Variants in TBX15 observed in about 807,000 individuals in gnomAD.
The protein encoded by TBX15 is T-box transcription factor 15.
In TBX15, 18 loss-of-function variants were observed where a neutral mutation model predicts 53.9. The observed-to-expected ratio is 0.33, with a 90% confidence interval of 0.23 to 0.49. The LOEUF (loss-of-function observed/expected upper bound fraction) is 0.49. Ranked by LOEUF, TBX15 falls within the 20% of genes least tolerant of loss-of-function variation. The probability of loss-of-function intolerance (pLI) is 0.98; values close to 1 mark genes in which losing one functional copy is unlikely to be tolerated. For missense variants in TBX15, 692 were observed against 749.5 expected (o/e 0.92, Z 0.90); for synonymous variants, 295 against 278.0 (o/e 1.06, Z -0.61).
At chr1:118,939,749 A>C (rs1656106334) in intron 1 of TBX15, among the ~76,000 whole-genome samples, 1 of 151,884 alleles carries the variant, frequency 6.6e-6, no homozygotes, top group South Asian at 2.1e-4. Context: ...TTATAAAAAA[A>C]CTTTGCTTTA....
intron 1 of TBX15, among the ~76,000 whole-genome samples, chr1:118,984,072 T>G (rs993710014): frequency 6.6e-6 from 1 of 152,268 alleles, no homozygotes; most frequent in African/African-American, 2.4e-5. Flanking sequence ...CCACTTGATC[T>G]AGATAACTCC....
At chr1:118,922,256 A>G (rs971473716) in intron 5 of TBX15, among the ~76,000 whole-genome samples, 4 of 152,218 alleles carry the variant, frequency 2.6e-5, no homozygotes, top group Non-Finnish European at 4.4e-5. Context: ...ACATGACGAC[A>G]GAGAGATCAA....
At chr1:118,971,518 C>G (rs1432745986) in intron 1 of TBX15, among the ~76,000 whole-genome samples, 1 of 152,178 alleles carries the variant, frequency 6.6e-6, no homozygotes. Flanking sequence ...ACAGTGCTCT[C>G]CAGGGTTTTG....
At chr1:118,977,327 C>A (rs1657467926) in intron 1 of TBX15, among the ~76,000 whole-genome samples, 1 of 151,932 alleles carries the variant, frequency 6.6e-6, no homozygotes, top group Admixed American at 6.6e-5. Context: ...CAGGGGCTGG[C>A]ACAGAGTGCC....
chr1:118,891,022 A>T lies in TBX15; in HGVS notation c.1025-5506T>A, dbSNP rs1654123828. Reference sequence around the variant, plus strand: ...ACCCTATAGACTGATCCCAGAGAATAAACCCAGAGATCGTAAAGTTTAATG... The same window carrying T: ...ACCCTATAGACTGATCCCAGAGAATTAACCCAGAGATCGTAAAGTTTAATG... On this transcript the variant is annotated intron_variant, in intron 7 of 7. Coordinates refer to ENST00000369429, the MANE Select transcript of TBX15 (RefSeq NM_001330677.2). 2.8e-6 allele frequency: 3 copies of T among 1,056,566 alleles called. No homozygotes were observed. The East Asian group carries it at 1.8e-4, about 64-fold the overall frequency. 65.4% of individuals were successfully genotyped at this position (1,056,566 alleles called of 1,614,324 possible). A position where few individuals can be genotyped will look rare whatever the true frequency, so the allele number is the denominator to read the frequency against.
chr1:118,903,052 G>A (rs1027576970), intron 6 of TBX15, among the ~76,000 whole-genome samples: 6 of 152,002 alleles, frequency 3.9e-5, no homozygotes, highest in African/African-American at 7.2e-5. Flanking sequence ...AATCAGAGAC[G>A]GTCAAGTTGG....
chr1:118,913,232 TA>T (rs34874727), intron 6 of TBX15, among the ~76,000 whole-genome samples: 51,376 of 147,998 alleles, frequency 0.35, 9,097 homozygotes, highest in African/African-American at 0.38. Flanking sequence ...CCTCAAACTA[TA>T]AAAAAAAAAA....
At chr1:118,907,162 A>T (rs1654863519) in intron 6 of TBX15, among the ~76,000 whole-genome samples, 2 of 152,174 alleles carry the variant, frequency 1.3e-5, no homozygotes, top group African/African-American at 4.8e-5. Context: ...TTGGGGTGCC[A>T]TACCAGCTGG....
intron 1 of TBX15, among the ~76,000 whole-genome samples, chr1:118,943,643 G>A (rs976245641): frequency 6.6e-6 from 1 of 152,310 alleles, no homozygotes; most frequent in South Asian, 2.1e-4. Flanking sequence ...AACTGAGGCT[G>A]AAAAAGCTGC....
At chr1:118,965,501 C>T (rs1571210575) in intron 1 of TBX15, among the ~76,000 whole-genome samples, 2 of 152,102 alleles carry the variant, frequency 1.3e-5, no homozygotes, top group African/African-American at 2.4e-5. Flanking sequence ...ATTGAACAAC[C>T]TTTCGGGAGG....
chr1:118,938,818 C>G (rs895476043), intron 1 of TBX15, among the ~76,000 whole-genome samples: 1 of 152,082 alleles, frequency 6.6e-6, no homozygotes, highest in Non-Finnish European at 1.5e-5. Context: ...TGTCTGTTCA[C>G]GTCCTTTGTC....
intron 1 of TBX15, among the ~76,000 whole-genome samples, chr1:118,958,172 G>A (rs1656754575): frequency 6.6e-6 from 1 of 152,180 alleles, no homozygotes; most frequent in African/African-American, 2.4e-5. Context: ...AGGTAATTAG[G>A]ATTAGATGAA....
At chr1:118,897,753 G>T (rs1476911803) in intron 7 of TBX15, among the ~76,000 whole-genome samples, 1 of 152,090 alleles carries the variant, frequency 6.6e-6, no homozygotes, top group Non-Finnish European at 1.5e-5. Flanking sequence ...GGGCCTCAAA[G>T]CCATGGTGAC....
upstream of TBX15, chr1:118,989,493 C>G (rs992718350): frequency 6.6e-6 from 1 of 152,138 alleles, no homozygotes; most frequent in Non-Finnish European, 1.5e-5. Flanking sequence ...AGACACAGCC[C>G]GATCTTCCAG....
chr1:118,952,069 T>C (rs1203132483), intron 1 of TBX15, among the ~76,000 whole-genome samples: 1 of 152,156 alleles, frequency 6.6e-6, no homozygotes, highest in Admixed American at 6.5e-5. Context: ...CAACCCCTCC[T>C]CTTCCTCCTC....
intron 7 of TBX15, among the ~76,000 whole-genome samples, chr1:118,893,412 AG>A (rs1654252225): frequency 2.2e-5 from 3 of 137,962 alleles, no homozygotes; most frequent in African/African-American, 8.7e-5. Flanking sequence ...AAAGAAAGGA[AG>A]AAGGAAAGAA....
Position 118,884,506 on chromosome 1 carries a change from A to G in TBX15, c.*226T>C. The G allele has an allele frequency of 1.7e-6, 1 of 593,586 alleles. No individual in the cohort carries two copies. 36.8% of individuals were successfully genotyped at this position (593,586 alleles called of 1,614,324 possible). On this transcript the variant is annotated 3_prime_UTR_variant, in exon 8 of 8. Transcript: ENST00000369429. ...ATGCTTTATAAAACTAAGGTCTGGG[A>G]AGGCAGAAGAATGGCCACTGAGTTG... is the stretch of plus-strand genomic sequence containing the variant.
chr1:118,883,270 T>C lies in TBX15; in HGVS notation c.*1462A>G, dbSNP rs1206197527. 2 of 152,636 alleles carry C rather than the reference T, an allele frequency of 1.3e-5. No homozygotes were observed. The highest frequency in any genetic ancestry group is 2.4e-5 in the African/African-American group (1 of 41,450). The allele number at this position is 152,636 out of a possible 1,614,324, so 9.5% of individuals were successfully genotyped here. A position where few individuals can be genotyped will look rare whatever the true frequency, so the allele number is the denominator to read the frequency against. ...AAACTTTAATAATATCTGTATTATTTTACTTGGTATTATTTGCATTTCCAC... is the reference window on the plus strand; with the variant it reads ...AAACTTTAATAATATCTGTATTATTCTACTTGGTATTATTTGCATTTCCAC... On this transcript the variant is annotated 3_prime_UTR_variant, in exon 8 of 8. Coordinates refer to ENST00000369429, the MANE Select transcript of TBX15 (RefSeq NM_001330677.2).
intron 1 of TBX15, among the ~76,000 whole-genome samples, chr1:118,971,696 A>G (rs1278959164): frequency 2.0e-5 from 3 of 152,236 alleles, no homozygotes; most frequent in African/African-American, 4.8e-5. Flanking sequence ...CAACCAAAAC[A>G]ATTGTGTGAG....
Sources: gnomAD v4.1 joint callset for allele counts (sites outside exome capture counted in the v4.1 genomes callset) on GRCh38, gnomAD v4.1.1 for gene constraint, MANE v1.5 for transcripts, NCBI Gene and HGNC (gene_info 2026-07-23, HGNC 2026-07-21) for gene names.